PRMT9: variants seen among roughly 807,000 people sequenced by gnomAD.
PRMT9 encodes the protein protein arginine methyltransferase 9, also known as protein arginine N-methyltransferase 9.
Under a neutral mutation model 83.2 loss-of-function variants are expected in PRMT9, and 59 were observed. The observed-to-expected ratio is 0.71, with a 90% CI of 0.57 to 0.88. The LOEUF (loss-of-function observed/expected upper bound fraction) is 0.88. Ranked by LOEUF, PRMT9 falls within the 40% of genes least tolerant of loss-of-function variation. PRMT9 has a pLI of 0.00. For synonymous variants in PRMT9, 333 were observed against 353.2 expected (o/e 0.94, Z 0.64); for missense variants, 947 against 1,021.9 (o/e 0.93, Z 1.00).
At chr4:147,646,535 G>A (rs1252181380) in intron 9 of PRMT9, among the ~76,000 whole-genome samples, 1 of 151,992 alleles carries the variant, frequency 6.6e-6, no homozygotes, top group East Asian at 1.9e-4. Flanking sequence ...CATAGGTTGA[G>A]CCCAGGAAGT....
At chr4:147,674,367 A>G (rs1462871225) in intron 2 of PRMT9, among the ~76,000 whole-genome samples, 1 of 152,374 alleles carries the variant, frequency 6.6e-6, no homozygotes, top group Non-Finnish European at 1.5e-5. Context: ...AAGTAAATAA[A>G]TATCACCGCA....
intron 2 of PRMT9, among the ~76,000 whole-genome samples, chr4:147,679,598 A>C (rs1736326833): frequency 6.6e-6 from 1 of 152,052 alleles, no homozygotes; most frequent in African/African-American, 2.4e-5. Flanking sequence ...AAATACAAAA[A>C]TTACCTGGGT....
chr4:147,659,569 ACTTT>A (rs1734793268), intron 7 of PRMT9, among the ~76,000 whole-genome samples: 1 of 78,892 alleles, frequency 1.3e-5, no homozygotes, highest in South Asian at 5.3e-4. Context: ...TTCTTTGGGC[ACTTT>A]CTTTTCTTTT....
chr4:147,673,237 C>G, intron 3 of PRMT9, 111 bp from the exon 4 acceptor site: 1 of 886,482 alleles, frequency 1.1e-6, no homozygotes, highest in Non-Finnish European at 1.8e-6. Context: ...TTCTTTAACA[C>G]AACCATTACT....
In PRMT9 at chr4:147,642,662, G is replaced by C. The variant is rs546680665; in HGVS notation, c.2199+125C>G. On this transcript the variant is annotated intron_variant, in intron 10 of 11. Coordinates refer to ENST00000322396, the MANE Select transcript of PRMT9 (RefSeq NM_138364.4). ...GAACTTATTATAGGTAAAAATCTAA[G>C]TCACTGTGATTAATCCAGCTAAACT... 89 of 843,412 alleles carry C rather than the reference G, an allele frequency of 1.1e-4. 1 individual carries two copies. Among genetic ancestry groups the C allele is most frequent in the Non-Finnish European group, 1.0e-5 (5 of 502,290 alleles). 52.2% of individuals were successfully genotyped at this position (843,412 alleles called of 1,614,324 possible). A position where few individuals can be genotyped will look rare whatever the true frequency, so the allele number is the denominator to read the frequency against.
At chr4:147,664,951 T>TA (rs1006027847) in intron 6 of PRMT9, among the ~76,000 whole-genome samples, 15 of 149,210 alleles carry the variant, frequency 1.0e-4, no homozygotes, top group Admixed American at 3.4e-4. Flanking sequence ...CCCTCTCTAC[T>TA]AAAAAAAAAT....
At chr4:147,656,771 C>CAAAAAAAAAAA (rs1023416920) in intron 8 of PRMT9, among the ~76,000 whole-genome samples, 4 of 47,944 alleles carry the variant, frequency 8.3e-5, no homozygotes, top group South Asian at 1.6e-3. Context: ...GACTCTGTCT[C>CAAAAAAAAAAA]AAAAAAAAAA....
intron 1 of PRMT9, among the ~76,000 whole-genome samples, chr4:147,682,777 T>C (rs1736575821): frequency 6.6e-6 from 1 of 152,200 alleles, no homozygotes; most frequent in African/African-American, 2.4e-5. Flanking sequence ...TATCATCTCC[T>C]CCTCAAGTAG....
intron 10 of PRMT9, among the ~76,000 whole-genome samples, chr4:147,640,090 T>TTA (rs758063617): frequency 5.0e-4 from 29 of 57,826 alleles, no homozygotes; most frequent in African/African-American, 1.7e-3. Flanking sequence ...TTTTTTTTTT[T>TTA]AATATAGGGT....
chr4:147,670,068 C>G (rs1470985628), intron 5 of PRMT9, among the ~76,000 whole-genome samples: 2 of 152,204 alleles, frequency 1.3e-5, no homozygotes, highest in Non-Finnish European at 2.9e-5. Context: ...AAAGTAATCT[C>G]AATTCCTATG....
chr4:147,667,096 C>G (rs1004307849), intron 6 of PRMT9, among the ~76,000 whole-genome samples: 4 of 152,148 alleles, frequency 2.6e-5, no homozygotes, highest in African/African-American at 9.7e-5. Context: ...CATGTTACAG[C>G]AAGAAATCTC....
intron 9 of PRMT9, among the ~76,000 whole-genome samples, chr4:147,649,508 T>TC (rs1733956256): frequency 6.7e-6 from 1 of 149,906 alleles, no homozygotes; most frequent in African/African-American, 2.4e-5. Flanking sequence ...AGAATGAACT[T>TC]TTTTTTTTTT....
chr4:147,682,699 G>A (rs1290803646), intron 1 of PRMT9, among the ~76,000 whole-genome samples: 1 of 152,208 alleles, frequency 6.6e-6, no homozygotes, highest in African/African-American at 2.4e-5. Flanking sequence ...AGTAACTGAG[G>A]AAAGATCACT....
intron 1 of PRMT9, among the ~76,000 whole-genome samples, chr4:147,682,039 A>G (rs1468624079): frequency 2.6e-5 from 4 of 152,152 alleles, no homozygotes; most frequent in Non-Finnish European, 2.9e-5. Flanking sequence ...GGAGTCATAC[A>G]CTGTCGCCCA....
Position 147,654,238 on chromosome 4 carries a change from C to T in PRMT9, c.1659G>A (p.Leu553=). 1 of 1,614,170 alleles carries T rather than the reference C, an allele frequency of 6.2e-7. No homozygotes were observed. Among genetic ancestry groups the T allele is most frequent in the Non-Finnish European group, 8.5e-7 (1 of 1,180,000 alleles). Residue 553 remains leucine, a synonymous_variant, in exon 9 of 12, where the codon CTG becomes CTA. Transcript: ENST00000322396. ...KVLSSLTPEK[L]YQTMDTHCQN... Reference sequence around the variant, plus strand: ...GACAGTGAGTATCCATGGTCTGATACAGTTTCTCTGGAGTCAGTGAAGACA... The same window carrying T: ...GACAGTGAGTATCCATGGTCTGATATAGTTTCTCTGGAGTCAGTGAAGACA...
intron 9 of PRMT9, 49 bp downstream of exon 9, chr4:147,653,803 C>T: frequency 7.6e-7 from 1 of 1,319,912 alleles, no homozygotes; most frequent in Non-Finnish European, 1.1e-6. Context: ...TACATAAAAT[C>T]TGACCTCAAA....
At chr4:147,683,249 G>A (rs1736612796) in intron 1 of PRMT9, among the ~76,000 whole-genome samples, 2 of 152,198 alleles carry the variant, frequency 1.3e-5, no homozygotes, top group African/African-American at 2.4e-5. Context: ...ATAAGGAGAA[G>A]AGGATCACGT....
intron 1 of PRMT9, 35 bp from the exon 2 acceptor site, chr4:147,680,506 A>G (rs763937099): frequency 5.4e-6 from 8 of 1,474,480 alleles, no homozygotes; most frequent in South Asian, 1.2e-5. Flanking sequence ...GAATTAGTCA[A>G]TAACATAAAA....
intron 9 of PRMT9, among the ~76,000 whole-genome samples, chr4:147,643,668 C>G (rs904532491): frequency 1.3e-5 from 2 of 151,874 alleles, no homozygotes; most frequent in African/African-American, 4.8e-5. Flanking sequence ...TGTGTAGATA[C>G]AACTTAAACC....
Sources: gnomAD v4.1 joint callset for allele counts (sites outside exome capture counted in the v4.1 genomes callset) on GRCh38, gnomAD v4.1.1 for gene constraint, MANE v1.5 for transcripts, NCBI Gene and HGNC (gene_info 2026-07-23, HGNC 2026-07-21) for gene names.